TMEM135: variants seen among roughly 807,000 people sequenced by gnomAD.
TMEM135 encodes peroxisomal membrane protein 52.
Under a neutral mutation model 60.3 loss-of-function variants are expected in TMEM135, and 30 were observed. That is an observed-to-expected ratio of 0.50 (90% CI 0.37 to 0.68). The LOEUF (loss-of-function observed/expected upper bound fraction) is 0.68, where lower values mean the gene tolerates loss of function less well. Ranked by LOEUF, TMEM135 falls within the 30% of genes least tolerant of loss-of-function variation. TMEM135 has a pLI of 0.00. For missense variants in TMEM135, 468 were observed against 548.8 expected, an observed-to-expected ratio of 0.85 and a Z score of 1.47; for synonymous variants, 190 against 186.7, an observed-to-expected ratio of 1.02 and a Z score of -0.14.
chr11:87,249,854 C>T (rs1941374912), intron 6 of TMEM135, among the ~76,000 whole-genome samples: 1 of 151,994 alleles, frequency 6.6e-6, no homozygotes, highest in Non-Finnish European at 1.5e-5. Context: ...ATTCTTTTCT[C>T]CTTTATTTTT....
At chr11:87,118,534 C>T (rs1008846615) in intron 4 of TMEM135, among the ~76,000 whole-genome samples, 4 of 151,878 alleles carry the variant, frequency 2.6e-5, no homozygotes, top group Admixed American at 1.3e-4. Flanking sequence ...CTGCAACCTC[C>T]ACCTCCCGGG....
At chr11:87,241,359 A>T (rs1176785360) in intron 6 of TMEM135, among the ~76,000 whole-genome samples, 1 of 152,010 alleles carries the variant, frequency 6.6e-6, no homozygotes, top group Non-Finnish European at 1.5e-5. Flanking sequence ...TAATTTTTAA[A>T]ATTTTTAATT....
At chr11:87,061,730 T>A (rs1200748990) in intron 1 of TMEM135, among the ~76,000 whole-genome samples, 1 of 152,204 alleles carries the variant, frequency 6.6e-6, no homozygotes, top group Non-Finnish European at 1.5e-5. Flanking sequence ...CAACCATCTC[T>A]ATGGCAAATG....
At chr11:87,245,274 T>A (rs1941240151) in intron 6 of TMEM135, among the ~76,000 whole-genome samples, 1 of 150,090 alleles carries the variant, frequency 6.7e-6, no homozygotes, top group Non-Finnish European at 1.5e-5. Flanking sequence ...CTTCCACGTA[T>A]GTGGTCAATT....
At chr11:87,046,693 G>A (rs1244117777) in intron 1 of TMEM135, among the ~76,000 whole-genome samples, 1 of 152,222 alleles carries the variant, frequency 6.6e-6, no homozygotes, top group Non-Finnish European at 1.5e-5. Flanking sequence ...TGAAAGTTGA[G>A]CCCATGATTA....
intron 6 of TMEM135, among the ~76,000 whole-genome samples, chr11:87,295,030 C>T (rs1317033753): frequency 1.3e-5 from 2 of 152,118 alleles, no homozygotes; most frequent in South Asian, 4.2e-4. Flanking sequence ...TTCTGGAATT[C>T]TGACTGCTAT....
intron 6 of TMEM135, among the ~76,000 whole-genome samples, chr11:87,274,246 T>C (rs12290541): frequency 0.33 from 49,554 of 151,994 alleles, 9,548 homozygotes; most frequent in Non-Finnish European, 0.43. Flanking sequence ...TATTCTGCCA[T>C]CTATTCCCTT....
chr11:87,116,844 A>G (rs1187456476), intron 4 of TMEM135, among the ~76,000 whole-genome samples: 2 of 151,136 alleles, frequency 1.3e-5, no homozygotes, highest in Admixed American at 6.6e-5. Context: ...TTTTTTTGAC[A>G]TGAAATTTCA....
chr11:87,272,142 C>G (rs1482722509), intron 6 of TMEM135, among the ~76,000 whole-genome samples: 2 of 149,856 alleles, frequency 1.3e-5, no homozygotes, highest in Non-Finnish European at 1.5e-5. Context: ...CAACCTCCCC[C>G]TCCCTGGTTC....
At chr11:87,295,430 C>A (rs1212210656) in intron 6 of TMEM135, among the ~76,000 whole-genome samples, 2 of 152,146 alleles carry the variant, frequency 1.3e-5, no homozygotes, top group African/African-American at 2.4e-5. Context: ...TGTATGTGGT[C>A]TTTTTCTTCT....
chr11:87,111,664 A>AG (rs59692546), intron 4 of TMEM135, among the ~76,000 whole-genome samples: 41,143 of 142,756 alleles, frequency 0.29, 7,197 homozygotes, highest in East Asian at 0.56. Context: ...AAAAAAAAAA[A>AG]AAAAAAAGAA....
At chr11:87,284,565 C>T (rs553061668) in intron 6 of TMEM135, among the ~76,000 whole-genome samples, 10 of 152,332 alleles carry the variant, frequency 6.6e-5, no homozygotes, top group South Asian at 6.2e-4. Context: ...CCCATAACTG[C>T]GGCCTGCTTC....
intron 6 of TMEM135, among the ~76,000 whole-genome samples, chr11:87,249,562 C>A (rs890374695): frequency 6.6e-6 from 1 of 151,986 alleles, no homozygotes; most frequent in African/African-American, 2.4e-5. Context: ...TAAAGGTTTT[C>A]TGTTTTTTTG....
intron 5 of TMEM135, among the ~76,000 whole-genome samples, chr11:87,173,666 T>C (rs1591077405): frequency 6.6e-6 from 1 of 152,208 alleles, no homozygotes; most frequent in East Asian, 1.9e-4. Context: ...TTTTATTTTA[T>C]TACATATGTT....
intron 1 of TMEM135, among the ~76,000 whole-genome samples, chr11:87,044,962 T>G (rs577756358): frequency 6.6e-6 from 1 of 151,964 alleles, no homozygotes; most frequent in African/African-American, 2.4e-5. Context: ...GTGGTCTTTT[T>G]TAAATGAACA....
chr11:87,204,033 T>A (rs1466746114), intron 5 of TMEM135, among the ~76,000 whole-genome samples: 3 of 152,194 alleles, frequency 2.0e-5, no homozygotes, highest in Non-Finnish European at 4.4e-5. Flanking sequence ...ATTTTTAGAA[T>A]TATCCTTTTT....
chr11:87,184,680 A>G lies in TMEM135; in HGVS notation c.462+27274A>G, dbSNP rs142258499. 2.8e-3 allele frequency among the ~76,000 whole-genome samples: 426 copies of G among 152,268 alleles called. 3 individuals are homozygous for G. Among genetic ancestry groups the G allele is most frequent in the African/African-American group, 9.8e-3 (408 of 41,564 alleles). On this transcript the variant is annotated intron_variant, in intron 5 of 14. Coordinates refer to ENST00000305494, the MANE Select transcript of TMEM135 (RefSeq NM_022918.4). ...TTGTGTTATATAAGAGACTCTAAATATAATGAAATCACTGTCTTTATTCTG... is the reference window on the plus strand; with the variant it reads ...TTGTGTTATATAAGAGACTCTAAATGTAATGAAATCACTGTCTTTATTCTG...
chr11:87,277,079 T>C (rs1941981947), intron 6 of TMEM135: 1 of 154,408 alleles, frequency 6.5e-6, no homozygotes, highest in South Asian at 1.8e-4. Flanking sequence ...AAGGTTTCAA[T>C]ATATGTATTT....
At position 87,071,538 on chromosome 11, in the gene TMEM135, A is replaced by C; in HGVS notation, c.285A>C (p.Lys95Asn). The C allele has an allele frequency of 6.8e-6, 11 of 1,614,016 alleles. No homozygotes were observed. The highest frequency in any genetic ancestry group is 9.3e-6 in the Non-Finnish European group (11 of 1,179,956). Residue 95 changes from lysine (K) to asparagine (N), a missense_variant, in exon 3 of 15, where the codon AAA becomes AAC. Transcript: ENST00000305494. ...TGAATTTCAGGAAGATACTTGGAAA[A>C]TTCTACTCATGGACTCCTGGCTTTG... ...FFCILRKILG[K>N]FYSWTPGFGA... is the part of the protein sequence containing the mutation.
Sources: allele counts gnomAD v4.1 joint callset (sites outside exome capture counted in the v4.1 genomes callset), GRCh38; gene constraint gnomAD v4.1.1; transcripts MANE v1.5; gene names NCBI Gene and HGNC (gene_info 2026-07-23, HGNC 2026-07-21).